Variants in ITPR1 observed in about 807,000 individuals in gnomAD.
ITPR1 encodes the protein inositol 1,4,5-trisphosphate-gated calcium channel ITPR1.
A neutral mutation model predicts 318.4 loss-of-function variants in ITPR1; 96 were observed. That is an observed-to-expected ratio of 0.30 (90% CI 0.26 to 0.36). The LOEUF (loss-of-function observed/expected upper bound fraction) is 0.36. Ranked by LOEUF, ITPR1 falls within the 10% of genes least tolerant of loss-of-function variation. The pLI is 1.00. For missense variants in ITPR1, 2,440 were observed against 3,460.2 expected, an observed-to-expected ratio of 0.71 and a Z score of 7.40; for synonymous variants, 1,312 against 1,289.9, an observed-to-expected ratio of 1.02 and a Z score of -0.37.
At chr3:4,827,134 A>G (rs2050131361) in intron 60 of ITPR1, among the ~76,000 whole-genome samples, 1 of 152,188 alleles carries the variant, frequency 6.6e-6, no homozygotes, top group Non-Finnish European at 1.5e-5. Context: ...AGATCTGATA[A>G]GCTCCAAAAG....
chr3:4,745,944 C>T (rs2044074861), intron 44 of ITPR1, among the ~76,000 whole-genome samples: 1 of 152,224 alleles, frequency 6.6e-6, no homozygotes, highest in Non-Finnish European at 1.5e-5. Flanking sequence ...TCTCCAGGAA[C>T]TAATCTGTGC....
At chr3:4,687,948 C>G (rs13059394) in intron 30 of ITPR1, among the ~76,000 whole-genome samples, 1 of 151,940 alleles carries the variant, frequency 6.6e-6, no homozygotes, top group Non-Finnish European at 1.5e-5. Flanking sequence ...TCTAATAGGT[C>G]GGACAACTTA....
At chr3:4,652,098 TG>T (rs1559616578) in intron 10 of ITPR1, 24 bp from the exon 11 acceptor site, 1 of 1,562,148 alleles carries the variant, frequency 6.4e-7, no homozygotes, top group African/African-American at 1.3e-5. Context: ...GACATTTCAT[TG>T]ACTCCTGTTG....
intron 4 of ITPR1, among the ~76,000 whole-genome samples, chr3:4,537,572 A>G (rs570301868): frequency 1.2e-4 from 19 of 152,364 alleles, no homozygotes; most frequent in African/African-American, 4.3e-4. Flanking sequence ...TGGGGAGAGT[A>G]TCCTGGATTT....
At chr3:4,793,264 C>G (rs1423454649) in intron 52 of ITPR1, among the ~76,000 whole-genome samples, 1 of 152,212 alleles carries the variant, frequency 6.6e-6, no homozygotes, top group Non-Finnish European at 1.5e-5. Flanking sequence ...ATTAGCGTAT[C>G]CTGCAGTACA....
At chr3:4,701,579 G>A (rs2094653313) in intron 35 of ITPR1, among the ~76,000 whole-genome samples, 1 of 152,212 alleles carries the variant, frequency 6.6e-6, no homozygotes, top group Admixed American at 6.5e-5. Context: ...ATGAGATTCT[G>A]GCTGCCAGGT....
At chr3:4,781,727 A>G (rs368248981) in intron 49 of ITPR1, among the ~76,000 whole-genome samples, 1 of 152,312 alleles carries the variant, frequency 6.6e-6, no homozygotes, top group East Asian at 1.9e-4. Context: ...TCACACCTGT[A>G]ATTGCAGCAC....
Position 4,766,793 on chromosome 3 carries a change from G to A in ITPR1, c.5725+83G>A, listed in dbSNP as rs41308265. The A allele has an allele frequency of 0.018, 20,517 of 1,169,118 alleles. 314 individuals are homozygous for A. Among genetic ancestry groups the A allele is most frequent in the South Asian group, 0.061 (3,470 of 56,624 alleles). The allele number at this position is 1,169,118 out of a possible 1,614,324, so 72.4% of individuals were successfully genotyped here. ...ATCCTTCATTGTTTTCATTACTTCT[G>A]TGCTCTAAAATGCATTATGATGGGA... On this transcript the variant is annotated intron_variant, in intron 45 of 61. Coordinates refer to ENST00000649015, the MANE Select transcript of ITPR1 (RefSeq NM_001378452.1).
intron 2 of ITPR1, among the ~76,000 whole-genome samples, chr3:4,498,485 T>C (rs1032992509): frequency 6.6e-6 from 1 of 152,152 alleles, no homozygotes; most frequent in African/African-American, 2.4e-5. Context: ...TCCAGACCTG[T>C]AGGGACCAGA....
rs75323275 is a variant in ITPR1, at chr3:4,526,898, G to C, written c.163+5804G>C. ...TGAAAATCTTTAAGAAACTTCTTTA[G>C]AGTAATTTGTTGTCTTCACTGCAAC... On this transcript the variant is annotated intron_variant, in intron 4 of 61. Coordinates refer to ENST00000649015, the MANE Select transcript of ITPR1 (RefSeq NM_001378452.1). Among the ~76,000 whole-genome samples the C allele has an allele frequency of 5.2e-3, 793 of 152,338 alleles. 24 individuals are homozygous for C. In the East Asian group the frequency reaches 0.11, roughly 20 times the overall value.
intron 10 of ITPR1, among the ~76,000 whole-genome samples, chr3:4,647,474 TATGGTATGGC>T (rs2093485594): frequency 6.6e-6 from 1 of 152,222 alleles, no homozygotes; most frequent in Non-Finnish European, 1.5e-5. Flanking sequence ...TATGGCATGG[TATGGTATGGC>T]ATGGTATATA....
At chr3:4,586,365 A>G in intron 4 of ITPR1, among the ~76,000 whole-genome samples, 1 of 152,206 alleles carries the variant, frequency 6.6e-6, no homozygotes, top group East Asian at 1.9e-4. Context: ...ACTGAGGCTT[A>G]GAGGATTAAC....
intron 4 of ITPR1, among the ~76,000 whole-genome samples, chr3:4,542,362 T>C (rs1026481361): frequency 3.3e-5 from 5 of 152,236 alleles, no homozygotes; most frequent in Non-Finnish European, 7.3e-5. Flanking sequence ...GTTAAAGTCA[T>C]GTTTCTCCCC....
intron 4 of ITPR1, among the ~76,000 whole-genome samples, chr3:4,566,588 C>T (rs1026369193): frequency 2.1e-4 from 29 of 139,222 alleles, no homozygotes; most frequent in African/African-American, 7.8e-4. Flanking sequence ...CCCAGGAAGC[C>T]TGAATGGGGA....
intron 4 of ITPR1, among the ~76,000 whole-genome samples, chr3:4,612,026 T>A (rs1366364479): frequency 5.4e-5 from 8 of 148,476 alleles, no homozygotes; most frequent in Non-Finnish European, 7.4e-5. Context: ...TTAAAAATAA[T>A]ACAAATAAAA....
intron 40 of ITPR1, among the ~76,000 whole-genome samples, chr3:4,720,067 C>T (rs1054655777): frequency 1.3e-5 from 2 of 152,226 alleles, no homozygotes; most frequent in Admixed American, 1.3e-4. Flanking sequence ...AAGTTCCCTC[C>T]TCTAGCCATT....
chr3:4,799,113 G>A (rs186530374), intron 53 of ITPR1, among the ~76,000 whole-genome samples: 7 of 152,262 alleles, frequency 4.6e-5, no homozygotes, highest in East Asian at 3.9e-4. Context: ...AAGGACCATC[G>A]ACTTCAGAGG....
chr3:4,838,684 T>C (rs2051109640), intron 61 of ITPR1, among the ~76,000 whole-genome samples: 1 of 152,236 alleles, frequency 6.6e-6, no homozygotes, highest in East Asian at 1.9e-4. Context: ...AGTGAGGCAT[T>C]CTAGCTCTCA....
At chr3:4,545,803 T>G (rs755829071) in intron 4 of ITPR1, among the ~76,000 whole-genome samples, 8 of 151,358 alleles carry the variant, frequency 5.3e-5, no homozygotes, top group Non-Finnish European at 1.0e-4. Context: ...GCTCAAGTGA[T>G]TCTCCCGCCT....
Sources: gnomAD v4.1 joint callset for allele counts (sites outside exome capture counted in the v4.1 genomes callset) on GRCh38, gnomAD v4.1.1 for gene constraint, MANE v1.5 for transcripts, NCBI Gene and HGNC (gene_info 2026-07-23, HGNC 2026-07-21) for gene names.